The following TENM2 variants were observed in gnomAD, a reference collection of about 807,000 sequenced individuals.
TENM2 encodes teneurin transmembrane protein 2.
TENM2 carries 52 observed loss-of-function variants against 245.2 expected under a neutral mutation model. The observed-to-expected ratio is 0.21, with a 90% CI of 0.17 to 0.27. The LOEUF is 0.27. Among genes scored for constraint, TENM2 ranks in the 10% least tolerant of loss-of-function variants. TENM2 has a pLI of 1.00. For synonymous variants in TENM2, 1,363 were observed against 1,438.9 expected, an observed-to-expected ratio of 0.95 and a Z score of 1.19; for missense variants, 3,046 against 3,666.8, an observed-to-expected ratio of 0.83 and a Z score of 4.37.
chr5:167,892,118 A>G (rs1182378478), intron 3 of TENM2, among the ~76,000 whole-genome samples: 2 of 152,230 alleles, frequency 1.3e-5, no homozygotes, highest in African/African-American at 2.4e-5. Flanking sequence ...TAAGCACATT[A>G]TGGACTGAAT....
At chr5:167,162,365 G>A in the TENM2 span, among the ~76,000 whole-genome samples, 1 of 151,940 alleles carries the variant, frequency 6.6e-6, no homozygotes, top group African/African-American at 2.4e-5. Context: ...TGGTGGCTCA[G>A]GCCTGTAATC....
chr5:167,705,985 ATATATATTTATT>A (rs1167549695), intron 2 of TENM2, among the ~76,000 whole-genome samples: 4 of 84,682 alleles, frequency 4.7e-5, no homozygotes, highest in African/African-American at 3.3e-4. Flanking sequence ...ATATATATAT[ATATATATTTATT>A]TATTTATTTA....
At chr5:167,693,682 G>T (rs187225718) in intron 2 of TENM2, among the ~76,000 whole-genome samples, 1,629 of 150,804 alleles carry the variant, frequency 0.011, 16 homozygotes, top group Admixed American at 0.028. Flanking sequence ...TATTAAGTAT[G>T]GGCAAGAGTG....
upstream of TENM2, among the ~76,000 whole-genome samples, chr5:167,281,330 T>C (rs180878874): frequency 1.6e-3 from 248 of 151,474 alleles, 6 homozygotes; most frequent in Admixed American, 0.015. Context: ...TTGGCCAGGC[T>C]GGTCTTGAAC....
At chr5:167,147,014 C>G in the TENM2 span, among the ~76,000 whole-genome samples, 1 of 152,108 alleles carries the variant, frequency 6.6e-6, no homozygotes, top group Non-Finnish European at 1.5e-5. Flanking sequence ...CTCTGGCATA[C>G]TGATTGGCAG....
rs147767565 is a variant in TENM2, at chr5:168,209,852, G to A, written c.3825-1882G>A. Among the ~76,000 whole-genome samples the A allele has an allele frequency of 4.8e-3, 733 of 152,264 alleles. 7 individuals are homozygous for A. Among genetic ancestry groups the A allele is most frequent in the Non-Finnish European group, 8.5e-3 (575 of 68,026 alleles). On this transcript the variant is annotated intron_variant, in intron 19 of 28. Coordinates refer to ENST00000518659, the Ensembl canonical transcript of TENM2. ...GACTGAGTCATGTCCTATTCACAAAGAACTGAGGGGGACAGGCACACAAAC... is the reference window on the plus strand; with the variant it reads ...GACTGAGTCATGTCCTATTCACAAAAAACTGAGGGGGACAGGCACACAAAC...
At chr5:167,268,935 CA>C in the TENM2 span, among the ~76,000 whole-genome samples, 14 of 131,168 alleles carry the variant, frequency 1.1e-4, no homozygotes, top group East Asian at 2.6e-4. Context: ...GATAGACAGA[CA>C]TTTTTTTTTT....
chr5:167,742,784 C>CAA (rs796154169), intron 2 of TENM2, among the ~76,000 whole-genome samples: 11 of 133,358 alleles, frequency 8.2e-5, no homozygotes, highest in East Asian at 6.4e-4. Flanking sequence ...CCATCTCTAC[C>CAA]AAAAAAAAAA....
chr5:168,042,720 C>T (rs531151421), intron 5 of TENM2, among the ~76,000 whole-genome samples: 63 of 152,292 alleles, frequency 4.1e-4, no homozygotes, highest in African/African-American at 1.4e-3. Flanking sequence ...ACCCTCACTC[C>T]ACGTAGGTCT....
intron 15 of TENM2, among the ~76,000 whole-genome samples, chr5:168,195,551 C>CGT (rs35040257): frequency 0.014 from 1,376 of 98,140 alleles, 11 homozygotes; most frequent in Non-Finnish European, 0.019. Flanking sequence ...GGTCAATGCA[C>CGT]GTGTGTGTGT....
chr5:167,842,360 G>T (rs1027445089), intron 2 of TENM2, among the ~76,000 whole-genome samples: 1 of 152,110 alleles, frequency 6.6e-6, no homozygotes, highest in Non-Finnish European at 1.5e-5. Context: ...AGGCTGAGGC[G>T]GTTGGATCAC....
intron 2 of TENM2, among the ~76,000 whole-genome samples, chr5:167,638,970 G>A (rs1409043159): frequency 6.6e-6 from 1 of 152,110 alleles, no homozygotes; most frequent in Non-Finnish European, 1.5e-5. Flanking sequence ...TGAAAGTTTT[G>A]GAATTAAGTT....
the TENM2 span, among the ~76,000 whole-genome samples, chr5:167,251,731 G>C: frequency 6.6e-6 from 1 of 152,136 alleles, no homozygotes; most frequent in Non-Finnish European, 1.5e-5. Context: ...GCTTGATTAA[G>C]AAAGAATTGA....
chr5:167,683,577 G>A (rs1335278115), intron 2 of TENM2, among the ~76,000 whole-genome samples: 1 of 152,204 alleles, frequency 6.6e-6, no homozygotes, highest in Non-Finnish European at 1.5e-5. Context: ...GGCAGCGTTA[G>A]AAATAACATT....
At chr5:167,398,167 A>G (rs1762162078) in intron 2 of TENM2, among the ~76,000 whole-genome samples, 1 of 152,150 alleles carries the variant, frequency 6.6e-6, no homozygotes, top group Non-Finnish European at 1.5e-5. Flanking sequence ...TTTTGATATG[A>G]AGACAATCGA....
chr5:167,973,633 C>T lies in TENM2; in HGVS notation c.948-19311C>T, dbSNP rs542537119. On this transcript the variant is annotated intron_variant, in intron 4 of 28. Coordinates refer to ENST00000518659, the Ensembl canonical transcript of TENM2. ...GTCAGGGAAGCCTGGCTGGCAGATA[C>T]GGGGTCTGAGTTCCATCTGGGTGGA... 1.9e-4 allele frequency among the ~76,000 whole-genome samples: 29 copies of T among 152,098 alleles called. 1 individual carries two copies. Among genetic ancestry groups the T allele is most frequent in the Non-Finnish European group, 2.9e-4 (20 of 68,016 alleles).
At chr5:167,254,747 C>G in the TENM2 span, among the ~76,000 whole-genome samples, 9 of 152,000 alleles carry the variant, frequency 5.9e-5, no homozygotes, top group African/African-American at 1.9e-4. Flanking sequence ...ATAAGGAGAT[C>G]AGGGAAGGTC....
intron 27 of TENM2, among the ~76,000 whole-genome samples, chr5:168,258,030 A>G (rs184100366): frequency 1.3e-5 from 2 of 152,200 alleles, no homozygotes; most frequent in Non-Finnish European, 2.9e-5. Flanking sequence ...GAGTAGAGGC[A>G]GTGGAAGTGG....
intron 4 of TENM2, among the ~76,000 whole-genome samples, chr5:167,989,262 TAGAGAA>T (rs1275951911): frequency 1.6e-5 from 2 of 126,364 alleles, no homozygotes; most frequent in Non-Finnish European, 3.2e-5. Context: ...AGATAGAAGA[TAGAGAA>T]AGAGAGAGAG....
Sources: allele counts gnomAD v4.1 joint callset (sites outside exome capture counted in the v4.1 genomes callset), GRCh38; gene constraint gnomAD v4.1.1; transcripts MANE v1.5; gene names NCBI Gene and HGNC (gene_info 2026-07-23, HGNC 2026-07-21).